The following FAM135B variants were observed in gnomAD, a reference collection of about 807,000 sequenced individuals.
FAM135B encodes family with sequence similarity 135 member B, also known as protein FAM135B.
A neutral mutation model predicts 127.7 loss-of-function variants in FAM135B; 43 were observed. The ratio of observed to expected loss-of-function variants is 0.34; its 90% CI spans 0.26 to 0.43. The LOEUF (loss-of-function observed/expected upper bound fraction) is 0.43. Among genes scored for constraint, FAM135B ranks in the 20% least tolerant of loss-of-function variants. The pLI, the probability that FAM135B is intolerant of heterozygous loss-of-function variation, is 1.00. For synonymous variants in FAM135B, 670 were observed against 665.1 expected, an observed-to-expected ratio of 1.01 and a Z score of -0.11; for missense variants, 1,558 against 1,725.6, an observed-to-expected ratio of 0.90 and a Z score of 1.72.
At chr8:138,217,369 A>G (rs549660871) in intron 7 of FAM135B, among the ~76,000 whole-genome samples, 1 of 138,504 alleles carries the variant, frequency 7.2e-6, no homozygotes, top group South Asian at 2.1e-4. Flanking sequence ...GTAAGATGGG[A>G]AAAAAATATC....
At chr8:138,411,787 T>A (rs1833884892) in intron 1 of FAM135B, among the ~76,000 whole-genome samples, 1 of 152,168 alleles carries the variant, frequency 6.6e-6, no homozygotes, top group South Asian at 2.1e-4. Flanking sequence ...ATAGCAGTAC[T>A]ATTCATAATA....
intron 11 of FAM135B, among the ~76,000 whole-genome samples, chr8:138,168,667 C>T (rs1006063938): frequency 6.6e-6 from 1 of 152,100 alleles, no homozygotes; most frequent in East Asian, 1.9e-4. Context: ...GAATTCAATT[C>T]CAGAGTTTGG....
Position 138,188,430 on chromosome 8 carries a change from T to C in FAM135B, c.873+6828A>G, listed in dbSNP as rs142848590. ...TAGACAGGATTGAGTTTGAATTGGATCACTGGACATCCAGCTCATGTCAGA... is the reference window on the plus strand; with the variant it reads ...TAGACAGGATTGAGTTTGAATTGGACCACTGGACATCCAGCTCATGTCAGA... On this transcript the variant is annotated intron_variant, in intron 9 of 19. Transcript: ENST00000395297. 3.4e-3 allele frequency among the ~76,000 whole-genome samples: 522 copies of C among 152,258 alleles called. 2 individuals carry two copies. Among genetic ancestry groups the C allele is most frequent in the African/African-American group, 0.011 (476 of 41,562 alleles).
intron 1 of FAM135B, among the ~76,000 whole-genome samples, chr8:138,419,128 C>T (rs561048198): frequency 4.3e-4 from 66 of 152,140 alleles, no homozygotes; most frequent in African/African-American, 1.5e-3. Flanking sequence ...CATGCAATGA[C>T]GCCACAGATT....
In FAM135B at chr8:138,438,049, G is replaced by T. The variant is rs537514821; in HGVS notation, c.-20+58622C>A. ...AATTCGCTCACCTGTAAAAACACCC[G>T]AGAGTACAAAAACAGTCACCTTCTT... On this transcript the variant is annotated intron_variant, in intron 1 of 19. Coordinates refer to ENST00000395297, the MANE Select transcript of FAM135B (RefSeq NM_015912.4). The T allele has an allele frequency of 2.6e-5, 4 of 152,076 alleles. 1 individual carries two copies. The highest frequency in any genetic ancestry group is 1.3e-4 in the Admixed American group (2 of 15,268). The allele number at this position is 152,076 out of a possible 1,614,324, so 9.4% of individuals were successfully genotyped here.
chr8:138,402,794 C>T (rs148133500), intron 1 of FAM135B, among the ~76,000 whole-genome samples: 2 of 152,258 alleles, frequency 1.3e-5, no homozygotes, highest in African/African-American at 4.8e-5. Flanking sequence ...AGGAAATGAG[C>T]ACTATGGACT....
At chr8:138,419,422 C>A (rs546855433) in intron 1 of FAM135B, among the ~76,000 whole-genome samples, 1 of 152,146 alleles carries the variant, frequency 6.6e-6, no homozygotes, top group Non-Finnish European at 1.5e-5. Flanking sequence ...ATCTTTAACC[C>A]CCTACTGATA....
At chr8:138,374,742 G>A (rs544931489) in intron 1 of FAM135B, among the ~76,000 whole-genome samples, 19 of 152,252 alleles carry the variant, frequency 1.2e-4, no homozygotes, top group South Asian at 6.2e-4. Context: ...AGAGGTATCC[G>A]AAAAGGGGCT....
At chr8:138,480,849 T>C (rs536247556) in intron 1 of FAM135B, among the ~76,000 whole-genome samples, 16 of 152,322 alleles carry the variant, frequency 1.1e-4, no homozygotes, top group African/African-American at 3.8e-4. Context: ...CTGAGACTGA[T>C]CATCTTTGTG....
chr8:138,302,323 C>T (rs1284100083), intron 3 of FAM135B, among the ~76,000 whole-genome samples: 1 of 152,074 alleles, frequency 6.6e-6, no homozygotes, highest in African/African-American at 2.4e-5. Flanking sequence ...CCCTCTGAAG[C>T]CTTGTGCTAC....
intron 5 of FAM135B, among the ~76,000 whole-genome samples, chr8:138,256,440 T>C (rs139997704): frequency 1.3e-5 from 2 of 152,258 alleles, no homozygotes; most frequent in East Asian, 3.9e-4. Context: ...AAAGTGCCAG[T>C]TAGTAAAGCC....
intron 7 of FAM135B, among the ~76,000 whole-genome samples, chr8:138,218,652 T>G (rs1486594761): frequency 6.6e-6 from 1 of 151,982 alleles, no homozygotes; most frequent in Non-Finnish European, 1.5e-5. Context: ...ATATCCCTCC[T>G]CCTTTCTTTT....
chr8:138,245,671 C>A (rs1435797749), intron 6 of FAM135B, among the ~76,000 whole-genome samples: 2 of 152,244 alleles, frequency 1.3e-5, no homozygotes, highest in Admixed American at 6.5e-5. Context: ...TAAGAATGGA[C>A]TAATACAGTA....
intron 1 of FAM135B, among the ~76,000 whole-genome samples, chr8:138,429,300 T>A (rs1357754810): frequency 6.6e-6 from 1 of 152,198 alleles, no homozygotes; most frequent in African/African-American, 2.4e-5. Flanking sequence ...TTTGAGCCCA[T>A]GTCCTATAAA....
In FAM135B at chr8:138,177,435, A is replaced by G; in HGVS notation, c.1030-15T>C. On this transcript the variant is annotated splice_polypyrimidine_tract_variant and intron_variant, in intron 10 of 19. Transcript: ENST00000395297. ...AACCTTCGGACCTGCAGAATAAAAC[A>G]ATGTAAACAGTTCAATTCTTTAGGT... 6.2e-7 allele frequency: 1 copy of G among 1,607,428 alleles called. No individual in the cohort carries two copies. Among genetic ancestry groups the G allele is most frequent in the Non-Finnish European group, 8.5e-7 (1 of 1,175,774 alleles).
At chr8:138,348,772 T>C (rs534865362) in intron 2 of FAM135B, among the ~76,000 whole-genome samples, 1 of 152,352 alleles carries the variant, frequency 6.6e-6, no homozygotes, top group East Asian at 1.9e-4. Flanking sequence ...TGGGAAACCA[T>C]TTGTGATCAC....
chr8:138,219,275 T>C (rs764008471), intron 7 of FAM135B, among the ~76,000 whole-genome samples: 2 of 152,206 alleles, frequency 1.3e-5, no homozygotes, highest in East Asian at 3.9e-4. Flanking sequence ...TTTTGCTTAT[T>C]TTTCAGGGAG....
chr8:138,310,777 C>A (rs933502018), intron 3 of FAM135B, 64 bp downstream of exon 3: 3 of 1,450,350 alleles, frequency 2.1e-6, no homozygotes, highest in Non-Finnish European at 2.9e-6. Context: ...TGTGCCCTGG[C>A]GAGCAGTGAC....
chr8:138,132,887 T>C lies in FAM135B; in HGVS notation c.4016-89A>G. 8.4e-7 allele frequency: 1 copy of C among 1,193,206 alleles called. No homozygotes were observed. Among genetic ancestry groups the C allele is most frequent in the Non-Finnish European group, 1.2e-6 (1 of 804,602 alleles). 73.9% of individuals were successfully genotyped at this position (1,193,206 alleles called of 1,614,324 possible). ...TCACTAGATGTGTGTCGAAATTCTGTTCCTGGGCAGACCTGTTATACAGCA... is the reference window on the plus strand; with the variant it reads ...TCACTAGATGTGTGTCGAAATTCTGCTCCTGGGCAGACCTGTTATACAGCA... On this transcript the variant is annotated intron_variant, in intron 19 of 19. Coordinates refer to ENST00000395297, the MANE Select transcript of FAM135B (RefSeq NM_015912.4). The surrounding 1 kb of genome is among the most constrained non-coding windows in gnomAD (Gnocchi z 4.5).
Sources: gnomAD v4.1 joint callset for allele counts (sites outside exome capture counted in the v4.1 genomes callset) on GRCh38, gnomAD v4.1.1 for gene constraint, Gnocchi (gnomAD v3.1) non-coding constraint, MANE v1.5 for transcripts, NCBI Gene and HGNC (gene_info 2026-07-23, HGNC 2026-07-21) for gene names.